IL1RAPL2: variants seen among roughly 807,000 people sequenced by gnomAD.
IL1RAPL2 encodes X-linked interleukin-1 receptor accessory protein-like 2.
In IL1RAPL2, 3 loss-of-function variants were observed where a neutral mutation model predicts 44.1. The observed-to-expected ratio is 0.07, with a 90% CI of 0.03 to 0.18. The LOEUF (loss-of-function observed/expected upper bound fraction) is 0.18. Ranked by LOEUF, IL1RAPL2 falls within the 10% of genes least tolerant of loss-of-function variation. IL1RAPL2 has a pLI of 1.00. For synonymous variants in IL1RAPL2, 181 were observed against 178.8 expected, an observed-to-expected ratio of 1.01 and a Z score of -0.10; for missense variants, 391 against 496.4, an observed-to-expected ratio of 0.79 and a Z score of 2.02.
At chrX:105,064,428 T>C (rs775881332) in intron 2 of IL1RAPL2, among the ~76,000 whole-genome samples, 8 of 112,040 alleles carry the variant, frequency 7.1e-5, no homozygotes, top group Non-Finnish European at 1.3e-4. Context: ...TTTTGGTTGT[T>C]ACGAAGATGC....
At chrX:105,270,051 A>C (rs2034435089) in intron 5 of IL1RAPL2, among the ~76,000 whole-genome samples, 1 of 112,011 alleles carries the variant, frequency 8.9e-6, no homozygotes, top group African/African-American at 3.2e-5. Flanking sequence ...TTTAATGTGC[A>C]TCAGAATCAT....
intron 2 of IL1RAPL2, among the ~76,000 whole-genome samples, chrX:104,886,743 G>A (rs1421912669): frequency 8.9e-6 from 1 of 112,092 alleles, no homozygotes; most frequent in Non-Finnish European, 1.9e-5. Flanking sequence ...CTTTGCCTTT[G>A]AGGATCCCAC....
intron 7 of IL1RAPL2, among the ~76,000 whole-genome samples, chrX:105,734,259 A>G (rs2038429311): frequency 9.0e-6 from 1 of 110,941 alleles, no homozygotes; most frequent in Non-Finnish European, 1.9e-5. Context: ...TACCTTCATA[A>G]GTGTTTCTTA....
chrX:104,684,060 G>A, intron 2 of IL1RAPL2, among the ~76,000 whole-genome samples: 1 of 111,752 alleles, frequency 8.9e-6, no homozygotes, highest in South Asian at 3.8e-4. Context: ...TCAATCGATT[G>A]TTTACTATAA....
At chrX:105,218,979 C>A in intron 3 of IL1RAPL2, 1 of 1,207,667 alleles carries the variant, frequency 8.3e-7, no homozygotes, top group South Asian at 1.8e-5. Context: ...GAGGTTTTTG[C>A]AGCCAGATTC....
chrX:105,551,942 A>G (rs1602464164), intron 6 of IL1RAPL2, among the ~76,000 whole-genome samples: 1 of 110,280 alleles, frequency 9.1e-6, no homozygotes, highest in East Asian at 2.9e-4. Context: ...CGTCTCTACT[A>G]AAAATACAAA....
chrX:105,085,883 A>G (rs2032473559), intron 2 of IL1RAPL2, among the ~76,000 whole-genome samples: 1 of 112,041 alleles, frequency 8.9e-6, no homozygotes, highest in Non-Finnish European at 1.9e-5. Flanking sequence ...AGAAAATAAA[A>G]TGTTATTAAA....
intron 2 of IL1RAPL2, among the ~76,000 whole-genome samples, chrX:104,846,663 G>A (rs1922061591): frequency 8.9e-6 from 1 of 112,024 alleles, no homozygotes; most frequent in African/African-American, 3.2e-5. Flanking sequence ...ACATACGTGT[G>A]CATGTGTCTT....
chrX:105,542,733 TTTATTA>T (rs1240743657), intron 6 of IL1RAPL2, among the ~76,000 whole-genome samples: 3 of 56,668 alleles, frequency 5.3e-5, no homozygotes, highest in South Asian at 1.6e-3. Context: ...ATTTATTTAA[TTTATTA>T]TTTTTTTTTT....
At chrX:105,251,878 A>G (rs2034272057) in intron 4 of IL1RAPL2, among the ~76,000 whole-genome samples, 1 of 111,526 alleles carries the variant, frequency 9.0e-6, no homozygotes, top group Non-Finnish European at 1.9e-5. Context: ...TGTGGAAGCC[A>G]GAAATATAGT....
intron 2 of IL1RAPL2, among the ~76,000 whole-genome samples, chrX:105,089,358 C>A (rs754260876): frequency 9.0e-6 from 1 of 111,328 alleles, no homozygotes; most frequent in Non-Finnish European, 1.9e-5. Context: ...GCAAAACTTT[C>A]CAACATGTGT....
chrX:105,347,915 G>A (rs756525439), intron 5 of IL1RAPL2, among the ~76,000 whole-genome samples: 1 of 111,456 alleles, frequency 9.0e-6, no homozygotes, highest in Non-Finnish European at 1.9e-5. Context: ...ATTGCTCCCA[G>A]TCGAGGACCA....
intron 2 of IL1RAPL2, among the ~76,000 whole-genome samples, chrX:104,871,385 A>C (rs1490373672): frequency 9.0e-6 from 1 of 111,652 alleles, no homozygotes; most frequent in African/African-American, 3.2e-5. Context: ...CAAATCTGGG[A>C]CACCACAGTA....
intron 2 of IL1RAPL2, among the ~76,000 whole-genome samples, chrX:105,027,922 C>A (rs1158090547): frequency 8.9e-6 from 1 of 111,745 alleles, no homozygotes; most frequent in Non-Finnish European, 1.9e-5. Context: ...GATTTGGAAA[C>A]AACTTAAGTG....
At chrX:105,736,841 A>G (rs1201309927) in intron 7 of IL1RAPL2, among the ~76,000 whole-genome samples, 1 of 111,996 alleles carries the variant, frequency 8.9e-6, no homozygotes, top group Non-Finnish European at 1.9e-5. Context: ...AAAGAGAATT[A>G]TCGTTCAACT....
At chrX:105,351,774 T>C (rs1489032059) in intron 5 of IL1RAPL2, among the ~76,000 whole-genome samples, 1 of 111,181 alleles carries the variant, frequency 9.0e-6, no homozygotes, top group Non-Finnish European at 1.9e-5. Context: ...GAACTTAAAG[T>C]ATAATAATAA....
chrX:104,695,349 A>AAGAGAG (rs200451049), intron 2 of IL1RAPL2, among the ~76,000 whole-genome samples: 7 of 105,998 alleles, frequency 6.6e-5, no homozygotes, highest in Admixed American at 5.1e-4. Context: ...GAGAGAGAGA[A>AAGAGAG]AGAGAGAGAG....
intron 1 of IL1RAPL2, among the ~76,000 whole-genome samples, chrX:104,585,328 A>ATATAAT (rs1928518799): frequency 8.0e-5 from 1 of 12,484 alleles, no homozygotes; most frequent in Non-Finnish European, 1.2e-4. Context: ...TATTATATAT[A>ATATAAT]ATATATATTA....
chrX:105,706,711 T>C (rs142420529), intron 6 of IL1RAPL2, among the ~76,000 whole-genome samples: 1,710 of 111,666 alleles, frequency 0.015, 33 homozygotes, highest in African/African-American at 0.052. Context: ...AGGCCATTCC[T>C]GCCTAAGACT....
Sources: gnomAD v4.1 joint callset for allele counts (sites outside exome capture counted in the v4.1 genomes callset) on GRCh38, gnomAD v4.1.1 for gene constraint, MANE v1.5 for transcripts, NCBI Gene and HGNC (gene_info 2026-07-23, HGNC 2026-07-21) for gene names.